Variants in WWC1 observed in about 807,000 individuals in gnomAD.
WWC1 encodes protein KIBRA.
A neutral mutation model predicts 138.4 loss-of-function variants in WWC1; 55 were observed. The ratio of observed to expected loss-of-function variants is 0.40; its 90% CI spans 0.32 to 0.50. The LOEUF is 0.50. Ranked by LOEUF, WWC1 falls within the 20% of genes least tolerant of loss-of-function variation. WWC1 has a pLI of 0.72. For synonymous variants in WWC1, 524 were observed against 564.9 expected (o/e 0.93, Z 1.03); for missense variants, 1,226 against 1,420.4 (o/e 0.86, Z 2.20).
At chr5:168,468,538 A>G (rs947193725) in intron 22 of WWC1, among the ~76,000 whole-genome samples, 3 of 152,164 alleles carry the variant, frequency 2.0e-5, no homozygotes, top group Non-Finnish European at 2.9e-5. Context: ...AACATTTAAA[A>G]TGTATATTTG....
At position 168,372,936 on chromosome 5, in the gene WWC1, G is replaced by A. The variant is rs1422832184; in HGVS notation, c.229+1403G>A. 7.9e-5 allele frequency among the ~76,000 whole-genome samples: 12 copies of A among 152,354 alleles called. No individual in the cohort carries two copies. In the East Asian group the frequency reaches 2.3e-3, roughly 29 times the overall value. The stretch of plus-strand genomic sequence containing the variant: ...TAAATAGAAAAGGGCATACGTGCAT[G>A]AATGCATGAATAAATGGGTGAATGA... On this transcript the variant is annotated intron_variant, in intron 2 of 22. Coordinates refer to ENST00000265293, the MANE Select transcript of WWC1 (RefSeq NM_015238.3).
In WWC1 at chr5:168,428,126, A is replaced by G; in HGVS notation, c.1904A>G (p.Glu635Gly). The change falls in exon 12 of 23, where the codon GAG becomes GGG. Residue 635 changes from glutamate to glycine, a missense_variant. Glu to Gly is a moderately conservative substitution (Grantham distance 98, BLOSUM62 -2). This residue lies in a region of WWC1 where 1,016 missense variants were observed against 1,153.9 expected (regional missense o/e 0.88). Coordinates refer to ENST00000265293, the MANE Select transcript of WWC1 (RefSeq NM_015238.3). The part of the protein sequence containing the change: ...ESVAGDSGVY[E>G]ASVQRLGASE... ...GTGGCTGGAGACAGTGGTGTGTACG[A>G]GGCTTCCGTGCAGAGGTAGGTGTCT... is the stretch of plus-strand genomic sequence containing the variant. The G allele has an allele frequency of 1.9e-6, 3 of 1,613,150 alleles. No homozygotes were observed. Among genetic ancestry groups the G allele is most frequent in the Non-Finnish European group, 2.5e-6 (3 of 1,179,504 alleles).
At chr5:168,351,077 A>G in intron 1 of WWC1, among the ~76,000 whole-genome samples, 1 of 150,770 alleles carries the variant, frequency 6.6e-6, no homozygotes, top group East Asian at 2.0e-4. Context: ...AACCTGGGAG[A>G]TGGAGGTTGC....
At position 168,448,333 on chromosome 5, in the gene WWC1, G is replaced by A. The variant is rs1755471333; in HGVS notation, c.2525+3748G>A. Among the ~76,000 whole-genome samples the A allele has an allele frequency of 2.6e-5, 4 of 152,282 alleles. No homozygotes were observed. The South Asian group carries it at 8.3e-4, about 32-fold the overall frequency. On this transcript the variant is annotated intron_variant, in intron 17 of 22. Coordinates refer to ENST00000265293, the MANE Select transcript of WWC1 (RefSeq NM_015238.3). The stretch of plus-strand genomic sequence containing the variant: ...TTCCTCGGCACCCAAAACCCGGCGT[G>A]TCACTGGTACTCCCTCTTTTTATTT...
intron 1 of WWC1, among the ~76,000 whole-genome samples, chr5:168,320,885 C>T (rs979103727): frequency 6.6e-6 from 1 of 151,992 alleles, no homozygotes; most frequent in Non-Finnish European, 1.5e-5. Context: ...GAACTGGCAA[C>T]CAGAAGACAG....
chr5:168,342,563 G>A (rs915572765), intron 1 of WWC1, among the ~76,000 whole-genome samples: 1 of 152,200 alleles, frequency 6.6e-6, no homozygotes, highest in African/African-American at 2.4e-5. Context: ...AGGCCCTGAA[G>A]GCTTTGTAGG....
intron 17 of WWC1, among the ~76,000 whole-genome samples, chr5:168,453,639 G>A (rs976631098): frequency 2.6e-5 from 4 of 152,040 alleles, no homozygotes; most frequent in East Asian, 3.9e-4. Context: ...TCCACCTCCC[G>A]GGTTCAAGCA....
At chr5:168,404,513 T>TC (rs1779634160) in intron 5 of WWC1, among the ~76,000 whole-genome samples, 1 of 152,186 alleles carries the variant, frequency 6.6e-6, no homozygotes, top group Admixed American at 6.5e-5. Context: ...GAGACCGTGC[T>TC]CCATGCCTCG....
At chr5:168,453,363 G>A (rs1395482068) in intron 17 of WWC1, among the ~76,000 whole-genome samples, 2 of 152,176 alleles carry the variant, frequency 1.3e-5, no homozygotes, top group African/African-American at 4.8e-5. Flanking sequence ...CTCTAGAAAA[G>A]TCAAATCTAA....
chr5:168,423,662 C>A lies in WWC1; in HGVS notation c.1404C>A (p.Asp468Glu). 6.2e-7 allele frequency: 1 copy of A among 1,614,192 alleles called. No individual in the cohort carries two copies. The highest frequency in any genetic ancestry group is 8.5e-7 in the Non-Finnish European group (1 of 1,180,040). ...CCAGCTTCACTGACCTCTACTATGA[C>A]CCCTTTGAGCAGCTGGACTCAGAGC... is the stretch of plus-strand genomic sequence containing the variant. ...TSASFTDLYY[D>E]PFEQLDSELQ... Residue 468 changes from aspartate to glutamate, a missense_variant, in exon 11 of 23, where the codon GAC becomes GAA. By Grantham distance (45) the Asp-to-Glu change is conservative. This residue lies in a region of WWC1 where 1,016 missense variants were observed against 1,153.9 expected (regional missense o/e 0.88). Transcript: ENST00000265293.
intron 1 of WWC1, among the ~76,000 whole-genome samples, chr5:168,336,309 G>A (rs188270818): frequency 2.0e-5 from 3 of 152,220 alleles, no homozygotes; most frequent in Non-Finnish European, 2.9e-5. Context: ...GGTGGCTCAC[G>A]CCTGTAATCC....
intron 9 of WWC1, among the ~76,000 whole-genome samples, chr5:168,419,422 T>TGTGCTGGGTGCTAG (rs1472442139): frequency 6.6e-6 from 1 of 152,228 alleles, no homozygotes; most frequent in East Asian, 1.9e-4. Context: ...TGGTGGGCAC[T>TGTGCTGGGTGCTAG]GTGCTGGGTG....
In WWC1 at chr5:168,382,157, T is replaced by C. The variant is rs1382750003; in HGVS notation, c.230-3054T>C. On this transcript the variant is annotated intron_variant, in intron 2 of 22. Transcript: ENST00000265293. ...ACCCAAATACCATAGCGTGGAACAC[T>C]GTACAGGTGTTTAAAAGATGGTGCA... Among the ~76,000 whole-genome samples, 6 of 152,186 alleles carry C rather than the reference T, an allele frequency of 3.9e-5. No homozygotes were observed. In the South Asian group the frequency reaches 1.2e-3, roughly 31 times the overall value.
At chr5:168,393,204 C>T (rs141734597) in intron 3 of WWC1, among the ~76,000 whole-genome samples, 5 of 152,238 alleles carry the variant, frequency 3.3e-5, no homozygotes, top group East Asian at 1.9e-4. Flanking sequence ...AGAAAAGCAT[C>T]GCTGAAATAA....
At chr5:168,299,679 A>G (rs1769884341) in intron 1 of WWC1, among the ~76,000 whole-genome samples, 1 of 152,172 alleles carries the variant, frequency 6.6e-6, no homozygotes, top group African/African-American at 2.4e-5. Flanking sequence ...TTTGAAGGGA[A>G]GAGAATCAGG....
intron 5 of WWC1, 117 bp from the exon 6 acceptor site, chr5:168,406,081 G>A: frequency 7.6e-7 from 1 of 1,313,616 alleles, no homozygotes; most frequent in Non-Finnish European, 1.0e-6. Flanking sequence ...AGGGTTAGCA[G>A]GACAGAGGGA....
At chr5:168,307,301 C>T (rs1296831473) in intron 1 of WWC1, among the ~76,000 whole-genome samples, 2 of 152,194 alleles carry the variant, frequency 1.3e-5, no homozygotes, top group East Asian at 1.9e-4. Context: ...TTTACCATCA[C>T]GTAGGTCAGG....
chr5:168,337,736 T>G (rs573944383), intron 1 of WWC1, among the ~76,000 whole-genome samples: 1 of 151,996 alleles, frequency 6.6e-6, no homozygotes, highest in African/African-American at 2.4e-5. Context: ...TGCCAATTGT[T>G]GTAAGTTCCA....
intron 5 of WWC1, 128 bp downstream of exon 5, chr5:168,399,695 T>G: frequency 1.1e-6 from 1 of 943,046 alleles, no homozygotes; most frequent in Non-Finnish European, 1.6e-6. Context: ...CATCATTCAA[T>G]TCAAGTTCTG....
Sources: gnomAD v4.1 joint callset for allele counts (sites outside exome capture counted in the v4.1 genomes callset) on GRCh38, gnomAD v4.1.1 for gene constraint, gnomAD v4.1.1 regional missense constraint, MANE v1.5 for transcripts, NCBI Gene and HGNC (gene_info 2026-07-23, HGNC 2026-07-21) for gene names.